The following CATSPERE variants were observed in gnomAD, a reference collection of about 807,000 sequenced individuals.
The protein encoded by CATSPERE is catsper channel auxiliary subunit epsilon.
In CATSPERE, 93 loss-of-function variants were observed where a neutral mutation model predicts 114.1. That is an observed-to-expected ratio of 0.81 (90% CI 0.69 to 0.97). CATSPERE has a LOEUF of 0.97. Among genes scored for constraint, CATSPERE ranks in the 50% least tolerant of loss-of-function variants. The probability of loss-of-function intolerance (pLI) is 0.00; values close to 1 mark genes in which losing one functional copy is unlikely to be tolerated. For synonymous variants in CATSPERE, 341 were observed against 384.1 expected (o/e 0.89, Z 1.31); for missense variants, 1,058 against 1,131.6 (o/e 0.93, Z 0.93).
intron 10 of CATSPERE, among the ~76,000 whole-genome samples, chr1:244,566,942 G>A (rs1054103426): frequency 3.3e-5 from 5 of 151,908 alleles, no homozygotes; most frequent in East Asian, 1.9e-4. Flanking sequence ...TCATAGTGTC[G>A]ATGGCCTTTA....
chr1:244,475,131 TTC>T (rs1193646125), intron 2 of CATSPERE, among the ~76,000 whole-genome samples: 7 of 152,152 alleles, frequency 4.6e-5, no homozygotes, highest in Non-Finnish European at 7.3e-5. Context: ...TTTCTATTTT[TTC>T]TCTTTCTTAT....
intron 20 of CATSPERE, among the ~76,000 whole-genome samples, chr1:244,623,382 T>C (rs1019153120): frequency 6.6e-6 from 1 of 152,180 alleles, no homozygotes; most frequent in Non-Finnish European, 1.5e-5. Context: ...CGTTACCTTC[T>C]TTTGCTTTAA....
At chr1:244,602,194 A>T (rs2148669190) in intron 17 of CATSPERE, among the ~76,000 whole-genome samples, 1 of 152,344 alleles carries the variant, frequency 6.6e-6, no homozygotes, top group Non-Finnish European at 1.5e-5. Context: ...TCACTTGATA[A>T]AACCTTTTAC....
chr1:244,493,837 A>C (rs1399780582), intron 6 of CATSPERE, among the ~76,000 whole-genome samples: 1 of 152,220 alleles, frequency 6.6e-6, no homozygotes, highest in Non-Finnish European at 1.5e-5. Flanking sequence ...GCAGCCAAAA[A>C]ACACATGAAA....
At position 244,491,284 on chromosome 1, in the gene CATSPERE, A is replaced by G. The variant is rs146803816; in HGVS notation, c.351+813A>G. Among the ~76,000 whole-genome samples, 17 of 152,366 alleles carry G rather than the reference A, an allele frequency of 1.1e-4. No homozygotes were observed. In the East Asian group the frequency reaches 2.7e-3, roughly 24 times the overall value. On this transcript the variant is annotated intron_variant, in intron 6 of 21. Transcript: ENST00000366534. The stretch of plus-strand genomic sequence containing the variant: ...TGCAATCAAACTAGAACTCAGGACT[A>G]AGAAACTCACTCAAAACCGCTAACT...
At chr1:244,593,050 T>A (rs567684141) in intron 15 of CATSPERE, among the ~76,000 whole-genome samples, 17 of 152,358 alleles carry the variant, frequency 1.1e-4, no homozygotes, top group African/African-American at 4.1e-4. Flanking sequence ...TATTCTTTCA[T>A]CTGTTAATAT....
At chr1:244,524,943 G>C (rs1330777876) in intron 8 of CATSPERE, among the ~76,000 whole-genome samples, 1 of 146,856 alleles carries the variant, frequency 6.8e-6, no homozygotes, top group Non-Finnish European at 1.5e-5. Flanking sequence ...GTTCCTCAGG[G>C]ATCTAGAACT....
At chr1:244,580,117 A>G (rs1310095061) in intron 11 of CATSPERE, among the ~76,000 whole-genome samples, 5 of 151,778 alleles carry the variant, frequency 3.3e-5, no homozygotes, top group African/African-American at 1.2e-4. Flanking sequence ...GTTCACCGCA[A>G]CCTCTGCTCC....
At chr1:244,511,637 A>G (rs1427129092) in intron 7 of CATSPERE, among the ~76,000 whole-genome samples, 6 of 152,068 alleles carry the variant, frequency 3.9e-5, no homozygotes, top group African/African-American at 9.7e-5. Context: ...TGTTATTGAT[A>G]TACCATTGAG....
intron 20 of CATSPERE, among the ~76,000 whole-genome samples, chr1:244,634,542 G>T (rs1159292216): frequency 1.3e-5 from 2 of 152,158 alleles, no homozygotes; most frequent in African/African-American, 4.8e-5. Context: ...ACTTAATAAT[G>T]AGAGACATTC....
chr1:244,457,364 C>G (rs1348366012), upstream of CATSPERE: 1 of 152,110 alleles, frequency 6.6e-6, no homozygotes, highest in African/African-American at 2.4e-5. Flanking sequence ...ATATATAAAA[C>G]TTTATTTAAA....
At chr1:244,502,781 G>A (rs1242146093) in intron 7 of CATSPERE, among the ~76,000 whole-genome samples, 4 of 152,134 alleles carry the variant, frequency 2.6e-5, no homozygotes, top group Non-Finnish European at 4.4e-5. Context: ...CACTGCCGTG[G>A]ACCACTAGAG....
chr1:244,559,197 A>C (rs1662166457), intron 9 of CATSPERE, among the ~76,000 whole-genome samples: 1 of 152,174 alleles, frequency 6.6e-6, no homozygotes, highest in Non-Finnish European at 1.5e-5. Context: ...CAAGAATGAG[A>C]ATGGCTGTGG....
intron 19 of CATSPERE, among the ~76,000 whole-genome samples, chr1:244,617,122 G>C (rs1226350261): frequency 6.6e-6 from 1 of 152,174 alleles, no homozygotes; most frequent in Non-Finnish European, 1.5e-5. Context: ...GAAAGACATG[G>C]TAATGGTAAT....
intron 6 of CATSPERE, among the ~76,000 whole-genome samples, chr1:244,493,497 C>G (rs1208887165): frequency 3.3e-5 from 5 of 152,092 alleles, no homozygotes; most frequent in Admixed American, 1.3e-4. Context: ...CATAAAAACC[C>G]TAGAAGAAAA....
Position 244,621,299 on chromosome 1 carries a change from A to AATATATCTATATAGATATATC in CATSPERE, c.2648+3613_2648+3614insATATATCTATATAGATATATC, listed in dbSNP as rs1672316870. 1.4e-4 allele frequency among the ~76,000 whole-genome samples: 12 copies of AATATATCTATATAGATATATC among 86,602 alleles called. 2 individuals carry two copies. The highest frequency in any genetic ancestry group is 5.8e-4 in the African/African-American group (12 of 20,680). 56.8% of individuals were successfully genotyped at this position (86,602 alleles called of 152,430 possible). ...TATCTATATAGATATATCTATATAA[A>AATATATCTATATAGATATATC]TATATAAATATATAAAATATATATA... is the stretch of plus-strand genomic sequence containing the variant. On this transcript the variant is annotated intron_variant, in intron 20 of 21. Transcript: ENST00000366534.
At chr1:244,451,620 G>A (rs774012098), upstream of CATSPERE, 1 of 1,600,084 alleles carries the variant, frequency 6.2e-7, no homozygotes. This position sits in a 1 kb window ranked among gnomAD's most constrained non-coding sequence, Gnocchi z 6.6. Context: ...CCCATGAGAG[G>A]CCCCGTCGCC....
At chr1:244,540,001 T>C (rs1658369630) in intron 8 of CATSPERE, among the ~76,000 whole-genome samples, 1 of 151,786 alleles carries the variant, frequency 6.6e-6, no homozygotes, top group Non-Finnish European at 1.5e-5. Context: ...TTTAGTTATT[T>C]CTTGCTCAAA....
intron 19 of CATSPERE, chr1:244,610,544 G>A: frequency 1.5e-6 from 1 of 652,780 alleles, no homozygotes. Context: ...AATTTTCACT[G>A]CTGTAAATAT....
Sources: gnomAD v4.1 joint callset for allele counts (sites outside exome capture counted in the v4.1 genomes callset) on GRCh38, gnomAD v4.1.1 for gene constraint, Gnocchi (gnomAD v3.1) non-coding constraint, MANE v1.5 for transcripts, NCBI Gene and HGNC (gene_info 2026-07-23, HGNC 2026-07-21) for gene names.